The following RNF32 variants were observed in gnomAD, a reference collection of about 807,000 sequenced individuals.
The protein encoded by RNF32 is ring finger protein 32.
RNF32 carries 36 observed loss-of-function variants against 41.0 expected under a neutral mutation model. The observed-to-expected ratio is 0.88, with a 90% CI of 0.67 to 1.16. The LOEUF (loss-of-function observed/expected upper bound fraction) is 1.16. Among genes scored for constraint, RNF32 ranks in the 50% most tolerant of loss-of-function variants. The pLI is 0.00. For missense variants in RNF32, 413 were observed against 436.7 expected (o/e 0.95, Z 0.48); for synonymous variants, 154 against 160.9 (o/e 0.96, Z 0.32).
intron 4 of RNF32, among the ~76,000 whole-genome samples, chr7:156,655,998 C>T (rs10245086): frequency 0.44 from 67,395 of 152,090 alleles, 17,029 homozygotes; most frequent in African/African-American, 0.7. Flanking sequence ...ATTATTTTTA[C>T]TTGGTTTTGA....
At chr7:156,652,469 G>T (rs889842762) in intron 3 of RNF32, among the ~76,000 whole-genome samples, 1 of 151,638 alleles carries the variant, frequency 6.6e-6, no homozygotes, top group African/African-American at 2.4e-5. Context: ...CACCTAGACC[G>T]GTCCCTTGAT....
At position 156,644,791 on chromosome 7, in the gene RNF32, T is replaced by C. The variant is rs201820253; in HGVS notation, c.274+34T>C. ...ACGTAGTCATTCATCTTTTGGCTTA[T>C]TAGGGCTAAAAAAATCTATTGAGAT... On this transcript the variant is annotated intron_variant, in intron 3 of 8. Transcript: ENST00000317955. 34 of 1,576,652 alleles carry C rather than the reference T, an allele frequency of 2.2e-5. 1 individual carries two copies. The Admixed American group carries it at 3.4e-4, about 16-fold the overall frequency.
Position 156,643,829 on chromosome 7 carries a change from G to A in RNF32, c.-49G>A, listed in dbSNP as rs1194605107. ...AAGAATAGAAGGAAGGTGATAGGAT[G>A]TGATGATAGAATTTGTGATAGCCAA... is the stretch of plus-strand genomic sequence containing the variant. On this transcript the variant is annotated 5_prime_UTR_variant, in exon 2 of 9. The change creates a new upstream start codon in the 5' untranslated region. Coordinates refer to ENST00000317955, the MANE Select transcript of RNF32 (RefSeq NM_030936.4). 3.8e-6 allele frequency: 6 copies of A among 1,566,482 alleles called. No individual in the cohort carries two copies. Among genetic ancestry groups the A allele is most frequent in the African/African-American group, 1.4e-5 (1 of 73,932 alleles).
intron 1 of RNF32, 84 bp from the exon 2 acceptor site, chr7:156,643,717 T>C: frequency 5.8e-6 from 4 of 684,454 alleles, no homozygotes; most frequent in Middle Eastern, 7.7e-4. Context: ...CAGGATCTGT[T>C]AGACTCTTAC....
intron 7 of RNF32, among the ~76,000 whole-genome samples, chr7:156,675,365 G>A (rs946928257): frequency 1.4e-4 from 22 of 152,270 alleles, no homozygotes; most frequent in Non-Finnish European, 1.0e-4. Flanking sequence ...TTTAGGGGTG[G>A]GGAGAGGTCA....
chr7:156,640,485 G>A (rs945246235), upstream of RNF32: 5 of 353,786 alleles, frequency 1.4e-5, no homozygotes, highest in Non-Finnish European at 2.8e-5. Flanking sequence ...GAACACCCCC[G>A]CCAGGCGATC....
chr7:156,668,628 G>A (rs529997875), intron 7 of RNF32, among the ~76,000 whole-genome samples: 16 of 152,308 alleles, frequency 1.1e-4, no homozygotes, highest in African/African-American at 2.6e-4. Context: ...GAAGCCTGGC[G>A]ATCCCTCCCT....
intron 7 of RNF32, chr7:156,659,266 G>A: frequency 9.7e-7 from 1 of 1,029,454 alleles, no homozygotes; most frequent in Non-Finnish European, 1.2e-6. Flanking sequence ...TAATGGCCCA[G>A]CACACAGTAG....
chr7:156,644,721 T>C lies in RNF32; in HGVS notation c.238T>C (p.Tyr80His). 1 of 1,611,544 alleles carries C rather than the reference T, an allele frequency of 6.2e-7. No homozygotes were observed. Among genetic ancestry groups the C allele is most frequent in the Non-Finnish European group, 8.5e-7 (1 of 1,179,600 alleles). Reference sequence around the variant, plus strand: ...CAAACTAGAAGACTCAGAAAAAGAATATGTTCTTGATCCCAAACCGCCGCC... The same window carrying C: ...CAAACTAGAAGACTCAGAAAAAGAACATGTTCTTGATCCCAAACCGCCGCC... ...CPKLEDSEKE[Y>H]VLDPKPPPLT... Residue 80 changes from tyrosine (Y) to histidine (H), a missense_variant, in exon 3 of 9, where the codon TAT becomes CAT. Coordinates refer to ENST00000317955, the MANE Select transcript of RNF32 (RefSeq NM_030936.4).
intron 1 of RNF32, among the ~76,000 whole-genome samples, chr7:156,641,709 C>T (rs1451355966): frequency 1.3e-5 from 2 of 152,162 alleles, no homozygotes; most frequent in Non-Finnish European, 2.9e-5. Context: ...CAGCTATGAC[C>T]GGACCATTTT....
chr7:156,663,585 C>T (rs6945589), intron 7 of RNF32, among the ~76,000 whole-genome samples: 65,983 of 151,984 alleles, frequency 0.43, 16,271 homozygotes, highest in African/African-American at 0.68. Context: ...GCATTTAGGA[C>T]TTTACAGGTT....
intron 1 of RNF32, among the ~76,000 whole-genome samples, chr7:156,642,659 C>G (rs1473671670): frequency 6.6e-6 from 1 of 152,260 alleles, no homozygotes; most frequent in Non-Finnish European, 1.5e-5. Flanking sequence ...ATCCAGGCAG[C>G]TCAGGACCAA....
At chr7:156,666,794 G>A (rs1481120200) in intron 7 of RNF32, among the ~76,000 whole-genome samples, 1 of 152,184 alleles carries the variant, frequency 6.6e-6, no homozygotes, top group African/African-American at 2.4e-5. Context: ...CAGCGGCTAG[G>A]CCTGACTGCC....
At chr7:156,676,320 AC>A (rs760655303) in intron 8 of RNF32, 98 bp from the exon 9 acceptor site, 2 of 1,612,542 alleles carry the variant, frequency 1.2e-6, no homozygotes, top group Admixed American at 3.3e-5. Flanking sequence ...TGTTTCGAAG[AC>A]CCATGTCTCG....
At chr7:156,654,844 A>G (rs1363176148) in intron 4 of RNF32, 126 bp downstream of exon 4, 1 of 816,814 alleles carries the variant, frequency 1.2e-6, no homozygotes, top group African/African-American at 1.7e-5. Flanking sequence ...AGCCTCACAC[A>G]CTTCCATTTT....
At chr7:156,660,226 G>T in intron 7 of RNF32, 1 of 985,504 alleles carries the variant, frequency 1.0e-6, no homozygotes, top group Non-Finnish European at 1.2e-6. Context: ...CTTAAAATGT[G>T]CCAGTTTTTC....
rs974849812 is a variant in RNF32, at chr7:156,669,900, C to A, written c.685-5796C>A. ...TCCAGGTGACAGGAGGGCGGGCGGT[C>A]ATGGCCTAGTGCCATGAAAATGAAA... On this transcript the variant is annotated intron_variant, in intron 7 of 8. Coordinates refer to ENST00000317955, the MANE Select transcript of RNF32 (RefSeq NM_030936.4). The surrounding 1 kb of genome is among the most constrained non-coding windows in gnomAD (Gnocchi z 4.2). Among the ~76,000 whole-genome samples the A allele has an allele frequency of 2.9e-4, 44 of 152,266 alleles. No individual in the cohort carries two copies. Among genetic ancestry groups the A allele is most frequent in the Middle Eastern group, 3.4e-3 (1 of 294 alleles).
In RNF32 at chr7:156,654,729, T is replaced by C. The variant is rs2159195; in HGVS notation, c.417+11T>C. On this transcript the variant is annotated intron_variant, in intron 4 of 8. Transcript: ENST00000317955. Reference sequence around the variant, plus strand: ...GAGCTTCGTCCTCAGGTGTTTAGCATACGAGGGTGAGCTAGAGAGCTCCTG... The same window carrying C: ...GAGCTTCGTCCTCAGGTGTTTAGCACACGAGGGTGAGCTAGAGAGCTCCTG... The C allele has an allele frequency of 1.2e-6, 2 of 1,612,200 alleles. No homozygotes were observed. Among genetic ancestry groups the C allele is most frequent in the Non-Finnish European group, 1.7e-6 (2 of 1,178,480 alleles).
intron 7 of RNF32, among the ~76,000 whole-genome samples, chr7:156,666,758 G>C (rs1585079245): frequency 1.3e-5 from 2 of 151,976 alleles, no homozygotes; most frequent in Admixed American, 6.5e-5. Flanking sequence ...GGTGTGTACA[G>C]AAAGTCCACA....
Sources: allele counts gnomAD v4.1 joint callset (sites outside exome capture counted in the v4.1 genomes callset), GRCh38; gene constraint gnomAD v4.1.1; non-coding constraint Gnocchi (gnomAD v3.1); transcripts MANE v1.5; gene names NCBI Gene and HGNC (gene_info 2026-07-23, HGNC 2026-07-21).